The following CPA6 variants were observed in gnomAD, a reference collection of about 807,000 sequenced individuals.
CPA6 encodes the protein carboxypeptidase B.
A neutral mutation model predicts 63.3 loss-of-function variants in CPA6; 58 were observed. The ratio of observed to expected loss-of-function variants is 0.92; its 90% CI spans 0.74 to 1.14. The LOEUF (loss-of-function observed/expected upper bound fraction) is 1.14, where lower values mean the gene tolerates loss of function less well. Ranked by LOEUF, CPA6 falls within the 50% of genes most tolerant of loss-of-function variation. CPA6 has a pLI of 0.00. For synonymous variants in CPA6, 185 were observed against 179.0 expected, an observed-to-expected ratio of 1.03 and a Z score of -0.27; for missense variants, 565 against 526.6, an observed-to-expected ratio of 1.07 and a Z score of -0.71.
Position 67,746,231 on chromosome 8 carries a change from G to T in CPA6, c.-102C>A, listed in dbSNP as rs1019111380. 1 of 731,596 alleles carries T rather than the reference G, an allele frequency of 1.4e-6. No individual in the cohort carries two copies. Among genetic ancestry groups the T allele is most frequent in the Non-Finnish European group, 2.2e-6 (1 of 457,862 alleles). 45.3% of individuals were successfully genotyped at this position (731,596 alleles called of 1,614,324 possible). On this transcript the variant is annotated 5_prime_UTR_variant, in exon 1 of 11. Coordinates refer to ENST00000297770, the MANE Select transcript of CPA6 (RefSeq NM_020361.5). Reference sequence around the variant, plus strand: ...CACCGCACAGGTTCTCCGGGAAGGGGGTGGGCGAGGAAGGTTGAGAGTGAG... The same window carrying T: ...CACCGCACAGGTTCTCCGGGAAGGGTGTGGGCGAGGAAGGTTGAGAGTGAG...
chr8:67,609,743 C>T lies in CPA6; in HGVS notation c.192+14433G>A, dbSNP rs142140656. 9.3e-3 allele frequency among the ~76,000 whole-genome samples: 1,421 copies of T among 152,250 alleles called. 20 individuals carry two copies. The highest frequency in any genetic ancestry group is 0.032 in the African/African-American group (1,348 of 41,558). On this transcript the variant is annotated intron_variant, in intron 2 of 10. Transcript: ENST00000297770. ...GATTTGTTAAAATAGAAATACTGGT[C>T]GGGCACGGTGGCTCATGCCTGTAAT...
intron 1 of CPA6, among the ~76,000 whole-genome samples, chr8:67,644,286 T>C (rs1310055596): frequency 6.6e-6 from 1 of 151,964 alleles, no homozygotes; most frequent in Non-Finnish European, 1.5e-5. Flanking sequence ...GCCTGGCTAA[T>C]GTTTTGTATT....
At chr8:67,672,371 A>G (rs1230726274) in intron 1 of CPA6, among the ~76,000 whole-genome samples, 1 of 152,122 alleles carries the variant, frequency 6.6e-6, no homozygotes, top group Non-Finnish European at 1.5e-5. Context: ...ATAGATTGCC[A>G]TTATATTCCT....
chr8:67,472,983 C>T (rs1031892917), intron 8 of CPA6, among the ~76,000 whole-genome samples: 7 of 152,128 alleles, frequency 4.6e-5, no homozygotes, highest in Non-Finnish European at 1.0e-4. Context: ...AGCTTCTGGG[C>T]ATGTTCTGCC....
intron 1 of CPA6, among the ~76,000 whole-genome samples, chr8:67,641,951 C>T (rs1180139403): frequency 6.6e-6 from 1 of 152,116 alleles, no homozygotes; most frequent in Non-Finnish European, 1.5e-5. Context: ...ATACAGTTCT[C>T]TAAAATGTAA....
intron 1 of CPA6, among the ~76,000 whole-genome samples, chr8:67,733,828 G>A (rs937000661): frequency 4.0e-5 from 6 of 148,964 alleles, no homozygotes; most frequent in African/African-American, 1.5e-4. Flanking sequence ...AGATAACTCG[G>A]GTCAAATGCT....
chr8:67,653,725 AC>A (rs1382132136), intron 1 of CPA6, among the ~76,000 whole-genome samples: 3 of 151,874 alleles, frequency 2.0e-5, no homozygotes, highest in Non-Finnish European at 4.4e-5. Flanking sequence ...CTAATTGAAT[AC>A]CCTTTATTTC....
At chr8:67,703,916 T>G (rs1026944265) in intron 1 of CPA6, among the ~76,000 whole-genome samples, 1 of 151,342 alleles carries the variant, frequency 6.6e-6, no homozygotes, top group African/African-American at 2.5e-5. Flanking sequence ...GGACCCCACT[T>G]ACATGCTGCT....
chr8:67,436,015 A>G (rs1198343661), intron 8 of CPA6, among the ~76,000 whole-genome samples: 1 of 150,904 alleles, frequency 6.6e-6, no homozygotes, highest in Non-Finnish European at 1.5e-5. Flanking sequence ...GTGGGGGGAA[A>G]TGCCACAGCT....
intron 8 of CPA6, chr8:67,483,384 A>T: frequency 7.3e-6 from 2 of 274,570 alleles, no homozygotes; most frequent in Non-Finnish European, 1.4e-5. Context: ...TCTGACCACG[A>T]CAGACAGCCG....
chr8:67,435,291 G>T lies in CPA6; in HGVS notation c.839-1051C>A, dbSNP rs760759943. Among the ~76,000 whole-genome samples, 13 of 152,212 alleles carry T rather than the reference G, an allele frequency of 8.5e-5. No homozygotes were observed. In the Middle Eastern group the frequency reaches 0.014, roughly 159 times the overall value. ...CGGGGAAATCTTTTATGGAAGAAGG[G>T]CTGGACCCACTTTACCTGCAGTTTC... is the stretch of plus-strand genomic sequence containing the variant. On this transcript the variant is annotated intron_variant, in intron 8 of 10. Transcript: ENST00000297770.
At chr8:67,547,500 CTT>C (rs565207722) in intron 2 of CPA6, among the ~76,000 whole-genome samples, 28 of 134,814 alleles carry the variant, frequency 2.1e-4, no homozygotes, top group Admixed American at 2.2e-4. Flanking sequence ...GAATTATAGT[CTT>C]TTTTTTTTTT....
intron 2 of CPA6, among the ~76,000 whole-genome samples, chr8:67,580,815 T>G (rs1044223086): frequency 2.0e-5 from 3 of 152,178 alleles, no homozygotes; most frequent in African/African-American, 7.2e-5. Flanking sequence ...AAATACCAAA[T>G]GCATGACAGT....
At chr8:67,617,973 C>A (rs576501134) in intron 2 of CPA6, among the ~76,000 whole-genome samples, 1 of 152,218 alleles carries the variant, frequency 6.6e-6, no homozygotes, top group Non-Finnish European at 1.5e-5. Flanking sequence ...AGTGCCTCTT[C>A]TGCAACTAGC....
chr8:67,522,219 T>C (rs1180286692), intron 2 of CPA6, among the ~76,000 whole-genome samples: 1 of 152,188 alleles, frequency 6.6e-6, no homozygotes, highest in Non-Finnish European at 1.5e-5. Flanking sequence ...TCCCCCATTC[T>C]GAGCCCATAA....
At chr8:67,558,303 G>A (rs779354986) in intron 2 of CPA6, among the ~76,000 whole-genome samples, 22 of 151,928 alleles carry the variant, frequency 1.4e-4, no homozygotes, top group Non-Finnish European at 2.2e-4. Context: ...TATATAATCC[G>A]TTTATTTCTT....
chr8:67,563,706 T>C (rs1813269483), intron 2 of CPA6, among the ~76,000 whole-genome samples: 1 of 152,164 alleles, frequency 6.6e-6, no homozygotes, highest in African/African-American at 2.4e-5. Context: ...ATCTCACTCC[T>C]TTCCCCTAGG....
chr8:67,439,182 G>A (rs1810231700), intron 8 of CPA6, among the ~76,000 whole-genome samples: 1 of 152,042 alleles, frequency 6.6e-6, no homozygotes, highest in Non-Finnish European at 1.5e-5. Flanking sequence ...TGTAGTCCTA[G>A]CTACTTGAAA....
chr8:67,426,429 T>C (rs1333476544), intron 10 of CPA6, among the ~76,000 whole-genome samples: 7 of 151,806 alleles, frequency 4.6e-5, no homozygotes, highest in Admixed American at 2.0e-4. Flanking sequence ...GTAATATGAT[T>C]GTTTAAATAC....
Sources: gnomAD v4.1 joint callset for allele counts (sites outside exome capture counted in the v4.1 genomes callset) on GRCh38, gnomAD v4.1.1 for gene constraint, MANE v1.5 for transcripts, NCBI Gene and HGNC (gene_info 2026-07-23, HGNC 2026-07-21) for gene names.